Variants in TTC28 observed in about 807,000 individuals in gnomAD.
TTC28 encodes the protein tetratricopeptide repeat protein 28.
In TTC28, 61 loss-of-function variants were observed where a neutral mutation model predicts 198.0. The observed-to-expected ratio is 0.31, with a 90% confidence interval of 0.25 to 0.38. The LOEUF (loss-of-function observed/expected upper bound fraction) is 0.38. Ranked by LOEUF, TTC28 falls within the 10% of genes least tolerant of loss-of-function variation. The pLI is 1.00. For synonymous variants in TTC28, 1,171 were observed against 1,297.8 expected, an observed-to-expected ratio of 0.90 and a Z score of 2.10; for missense variants, 2,678 against 3,164.0, an observed-to-expected ratio of 0.85 and a Z score of 3.69.
intron 12 of TTC28, among the ~76,000 whole-genome samples, chr22:28,052,236 T>C (rs2146708377): frequency 6.6e-6 from 1 of 152,330 alleles, no homozygotes; most frequent in East Asian, 1.9e-4. Flanking sequence ...GTGCATTCTG[T>C]ACTTGATCAA....
chr22:28,534,874 G>A (rs1419896342), intron 2 of TTC28, among the ~76,000 whole-genome samples: 1 of 151,214 alleles, frequency 6.6e-6, no homozygotes, highest in African/African-American at 2.4e-5. Context: ...AGAACACTTG[G>A]ACACAGGATG....
chr22:28,613,412 CA>C (rs2050852454), intron 2 of TTC28, among the ~76,000 whole-genome samples: 1 of 152,094 alleles, frequency 6.6e-6, no homozygotes, highest in Non-Finnish European at 1.5e-5. Flanking sequence ...CTATTCCAAA[CA>C]ATAGAAAAAG....
chr22:27,986,111 C>CT (rs1274002356), intron 21 of TTC28: 1 of 152,236 alleles, frequency 6.6e-6, no homozygotes, highest in Non-Finnish European at 1.5e-5. Context: ...TATGGTTTGG[C>CT]TCTGTGTCCC....
At chr22:28,464,779 A>T (rs1162908986) in intron 2 of TTC28, among the ~76,000 whole-genome samples, 2 of 152,208 alleles carry the variant, frequency 1.3e-5, no homozygotes, top group Non-Finnish European at 2.9e-5. Flanking sequence ...GGAAAAGATG[A>T]TACTTACCCC....
At chr22:28,072,054 A>G (rs1342614228) in intron 12 of TTC28, among the ~76,000 whole-genome samples, 1 of 152,238 alleles carries the variant, frequency 6.6e-6, no homozygotes, top group African/African-American at 2.4e-5. Context: ...GATCTGGATT[A>G]AGTCTACCTC....
At chr22:28,338,306 C>A (rs1029193405) in intron 2 of TTC28, among the ~76,000 whole-genome samples, 1 of 152,090 alleles carries the variant, frequency 6.6e-6, no homozygotes, top group Admixed American at 6.6e-5. Flanking sequence ...GTGAATCTGA[C>A]AATTATGTGT....
chr22:28,561,105 G>A (rs537552278), intron 2 of TTC28, among the ~76,000 whole-genome samples: 2 of 99,332 alleles, frequency 2.0e-5, no homozygotes, highest in African/African-American at 8.0e-5. Flanking sequence ...ACGGAGTCTC[G>A]CTCAGTCACC....
At chr22:28,497,562 C>G (rs75286164) in intron 2 of TTC28, among the ~76,000 whole-genome samples, 3,022 of 152,246 alleles carry the variant, frequency 0.02, 31 homozygotes, top group Non-Finnish European at 0.027. Context: ...TCTCAGGTAT[C>G]TAGATTTGTT....
intron 12 of TTC28, among the ~76,000 whole-genome samples, chr22:28,038,669 G>C (rs1472368313): frequency 6.6e-6 from 1 of 152,196 alleles, no homozygotes; most frequent in African/African-American, 2.4e-5. Context: ...ATTGACAAAT[G>C]GGATCTAATT....
At chr22:28,338,602 C>G (rs573003543) in intron 2 of TTC28, among the ~76,000 whole-genome samples, 48 of 152,312 alleles carry the variant, frequency 3.2e-4, no homozygotes, top group Non-Finnish European at 5.3e-4. Context: ...TCTTCCATCC[C>G]TGATACCCTT....
chr22:28,591,038 CACATATAT>C (rs1315129243), intron 2 of TTC28, among the ~76,000 whole-genome samples: 249 of 24,436 alleles, frequency 0.01, no homozygotes, highest in Admixed American at 0.015. Context: ...CACACACACA[CACATATAT>C]ATATATATAT....
intron 2 of TTC28, among the ~76,000 whole-genome samples, chr22:28,480,585 T>A (rs1281902945): frequency 6.6e-6 from 1 of 152,178 alleles, no homozygotes; most frequent in Non-Finnish European, 1.5e-5. Flanking sequence ...TTTATTTACA[T>A]CCCTTCTACA....
intron 2 of TTC28, among the ~76,000 whole-genome samples, chr22:28,396,447 T>G: frequency 6.6e-6 from 1 of 152,216 alleles, no homozygotes; most frequent in East Asian, 1.9e-4. Flanking sequence ...ATGTAAGCCT[T>G]AAGCAAAGCC....
At chr22:28,000,879 A>C (rs138652) in intron 15 of TTC28, 29,943 of 156,450 alleles carry the variant, frequency 0.19, 3,149 homozygotes, top group South Asian at 0.36. Flanking sequence ...CCTTAAAGCC[A>C]CCTGACTTGT....
At chr22:28,567,481 T>TAC (rs891260526) in intron 2 of TTC28, among the ~76,000 whole-genome samples, 43 of 86,938 alleles carry the variant, frequency 4.9e-4, no homozygotes, top group Non-Finnish European at 7.9e-4. Flanking sequence ...CATACATACA[T>TAC]ATATATATAT....
Position 27,993,413 on chromosome 22 carries a change from G to C in TTC28, c.5350C>G (p.Leu1784Val). 6.4e-7 allele frequency: 1 copy of C among 1,551,464 alleles called. No individual in the cohort carries two copies. Among genetic ancestry groups the C allele is most frequent in the Non-Finnish European group, 8.7e-7 (1 of 1,147,000 alleles). The change falls in exon 18 of 23, where the codon CTC becomes GTC. Residue 1784 changes from leucine (L) to valine (V), a missense_variant. Transcript: ENST00000397906. The part of the protein sequence containing the change: ...KVGGIPGWQA[L>V]LTAVGFRLDP... ...AGCCGGAAGCCCACAGCGGTGAGGA[G>C]GGCCTGCCAGCCAGGGATGCCGCCC...
rs905631282 is a variant in TTC28 at position 28,536,396 on chromosome 22, G to A, written c.381+93156C>T. On this transcript the variant is annotated intron_variant, in intron 2 of 22. Transcript: ENST00000397906. ...TCCCAGCACTTTGGGAGGCCGAGGC[G>A]GGCGGATCACGAGGTCAGGAGATCG... 5.3e-5 allele frequency among the ~76,000 whole-genome samples: 8 copies of A among 150,950 alleles called. No homozygotes were observed. The South Asian group carries it at 8.4e-4, about 16-fold the overall frequency.
chr22:28,305,054 T>C (rs1210017073), intron 3 of TTC28, among the ~76,000 whole-genome samples: 1 of 152,036 alleles, frequency 6.6e-6, no homozygotes, highest in Non-Finnish European at 1.5e-5. Flanking sequence ...AGTGGTGCGA[T>C]CTCGGCTCAC....
intron 6 of TTC28, among the ~76,000 whole-genome samples, chr22:28,154,349 T>C (rs796715515): frequency 5.9e-5 from 9 of 151,348 alleles, no homozygotes; most frequent in African/African-American, 2.2e-4. Context: ...TCTTTTCTTT[T>C]CTTTTTCTTT....
Sources: allele counts gnomAD v4.1 joint callset (sites outside exome capture counted in the v4.1 genomes callset), GRCh38; gene constraint gnomAD v4.1.1; transcripts MANE v1.5; gene names NCBI Gene and HGNC (gene_info 2026-07-23, HGNC 2026-07-21).